Variants in GALNT13 observed in about 807,000 individuals in gnomAD.
GALNT13 encodes the protein polypeptide N-acetylgalactosaminyltransferase 13.
Under a neutral mutation model 64.2 loss-of-function variants are expected in GALNT13, and 28 were observed. That is an observed-to-expected ratio of 0.44 (90% CI 0.32 to 0.60). The LOEUF (loss-of-function observed/expected upper bound fraction) is 0.60, where lower values mean the gene tolerates loss of function less well. Among genes scored for constraint, GALNT13 ranks in the 20% least tolerant of loss-of-function variants. GALNT13 has a pLI of 0.05. For synonymous variants in GALNT13, 214 were observed against 224.6 expected, an observed-to-expected ratio of 0.95 and a Z score of 0.42; for missense variants, 577 against 669.8, an observed-to-expected ratio of 0.86 and a Z score of 1.53.
chr2:154,269,930 A>ATATATATATATATATAT (rs1553506263), intron 8 of GALNT13, among the ~76,000 whole-genome samples: 3 of 142,860 alleles, frequency 2.1e-5, no homozygotes, highest in East Asian at 2.1e-4. Flanking sequence ...ATATATTTCT[A>ATATATATATATATATAT]AAGCACAGGG....
chr2:153,466,587 C>T, the GALNT13 span, among the ~76,000 whole-genome samples: 2 of 151,904 alleles, frequency 1.3e-5, no homozygotes, highest in African/African-American at 4.8e-5. Context: ...AGGTTCAGTG[C>T]CTCCCTTGGT....
At chr2:154,445,562 C>T (rs771186077) in intron 12 of GALNT13, among the ~76,000 whole-genome samples, 14 of 151,684 alleles carry the variant, frequency 9.2e-5, no homozygotes, top group Non-Finnish European at 1.6e-4. Context: ...AAAAATCAAG[C>T]TATATAGTTA....
the GALNT13 span, among the ~76,000 whole-genome samples, chr2:153,322,012 G>A: frequency 5.4e-5 from 6 of 111,526 alleles, no homozygotes; most frequent in South Asian, 2.9e-4. Context: ...ATTTAAGTAC[G>A]GAAAAACTAT....
At chr2:153,188,516 A>G in the GALNT13 span, among the ~76,000 whole-genome samples, 1 of 152,188 alleles carries the variant, frequency 6.6e-6, no homozygotes, top group Admixed American at 6.6e-5. Flanking sequence ...CATTCTCTCC[A>G]TGGAAGAAAC....
At chr2:153,284,687 G>A in the GALNT13 span, among the ~76,000 whole-genome samples, 1 of 152,064 alleles carries the variant, frequency 6.6e-6, no homozygotes. Context: ...CATATCCGGG[G>A]GAATCACTCA....
At chr2:153,251,651 T>C in the GALNT13 span, among the ~76,000 whole-genome samples, 1 of 117,728 alleles carries the variant, frequency 8.5e-6, no homozygotes, top group South Asian at 3.1e-4. Flanking sequence ...CCCCAGAGTG[T>C]GATGTTCCCC....
the GALNT13 span, among the ~76,000 whole-genome samples, chr2:153,349,187 C>G: frequency 6.6e-6 from 1 of 151,956 alleles, no homozygotes; most frequent in Non-Finnish European, 1.5e-5. Flanking sequence ...AAGAATATTA[C>G]TTCAGAGCAA....
chr2:153,078,262 CAGT>C, the GALNT13 span, among the ~76,000 whole-genome samples: 1 of 150,098 alleles, frequency 6.7e-6, no homozygotes, highest in Non-Finnish European at 1.5e-5. Flanking sequence ...GGGATTTTGA[CAGT>C]TGTGTAATTA....
chr2:153,754,652 G>A, the GALNT13 span, among the ~76,000 whole-genome samples: 1 of 152,110 alleles, frequency 6.6e-6, no homozygotes, highest in East Asian at 1.9e-4. Flanking sequence ...TGGGGTTAAA[G>A]GAGGGATGAT....
chr2:153,975,290 A>G (rs1268858347), intron 3 of GALNT13, among the ~76,000 whole-genome samples: 1 of 152,022 alleles, frequency 6.6e-6, no homozygotes, highest in Non-Finnish European at 1.5e-5. Flanking sequence ...GCTTTTTCTT[A>G]GATACCATTC....
chr2:154,447,736 T>C (rs1227579976), intron 12 of GALNT13, among the ~76,000 whole-genome samples: 6 of 151,960 alleles, frequency 3.9e-5, no homozygotes, highest in Non-Finnish European at 7.4e-5. Context: ...CTTAGAACTA[T>C]ATTCAAGCCA....
At chr2:154,208,926 C>T (rs1687619484) in intron 4 of GALNT13, among the ~76,000 whole-genome samples, 1 of 151,960 alleles carries the variant, frequency 6.6e-6, no homozygotes. Flanking sequence ...CTCTGTCCTG[C>T]TGCAAGAGAT....
At chr2:154,165,465 T>A (rs1208726614) in intron 4 of GALNT13, among the ~76,000 whole-genome samples, 2 of 152,218 alleles carry the variant, frequency 1.3e-5, no homozygotes, top group Non-Finnish European at 2.9e-5. Context: ...CCTCATTATA[T>A]TATCAAAATA....
At chr2:153,861,812 G>C in the GALNT13 span, among the ~76,000 whole-genome samples, 2 of 152,012 alleles carry the variant, frequency 1.3e-5, no homozygotes, top group Admixed American at 1.3e-4. Context: ...CAGACCTCAG[G>C]TGGTGATCTG....
chr2:153,765,878 C>T, the GALNT13 span, among the ~76,000 whole-genome samples: 1 of 152,134 alleles, frequency 6.6e-6, no homozygotes, highest in Non-Finnish European at 1.5e-5. Context: ...AAATGGGAGT[C>T]CCCCTTCACA....
At chr2:154,360,557 A>G (rs1574157723) in intron 9 of GALNT13, among the ~76,000 whole-genome samples, 1 of 152,254 alleles carries the variant, frequency 6.6e-6, no homozygotes, top group East Asian at 1.9e-4. Flanking sequence ...AAATAAGAGT[A>G]TATTTTTGTT....
chr2:154,089,008 A>C (rs1701669008), intron 3 of GALNT13, among the ~76,000 whole-genome samples: 1 of 151,922 alleles, frequency 6.6e-6, no homozygotes, highest in Non-Finnish European at 1.5e-5. Flanking sequence ...TCTTTACCTG[A>C]TTATCTATGG....
the GALNT13 span, among the ~76,000 whole-genome samples, chr2:153,433,438 C>CTG: frequency 1.5e-5 from 2 of 132,994 alleles, no homozygotes; most frequent in African/African-American, 5.7e-5. Flanking sequence ...TGGCAATCCT[C>CTG]TTATCCTGGT....
the GALNT13 span, among the ~76,000 whole-genome samples, chr2:153,085,416 A>G: frequency 1.3e-5 from 2 of 152,134 alleles, no homozygotes; most frequent in African/African-American, 2.4e-5. Context: ...CTGGAGGCCT[A>G]GGAGGAAAAA....
Sources: allele counts gnomAD v4.1 joint callset (sites outside exome capture counted in the v4.1 genomes callset), GRCh38; gene constraint gnomAD v4.1.1; transcripts MANE v1.5; gene names NCBI Gene and HGNC (gene_info 2026-07-23, HGNC 2026-07-21).